Variants in LMBR1 observed in about 807,000 individuals in gnomAD.
The protein encoded by LMBR1 is limb development membrane protein 1.
In LMBR1, 52 loss-of-function variants were observed where a neutral mutation model predicts 73.9. That is an observed-to-expected ratio of 0.70 (90% CI 0.56 to 0.89). The LOEUF is 0.89. Ranked by LOEUF, LMBR1 falls within the 40% of genes least tolerant of loss-of-function variation. LMBR1 has a pLI of 0.00. For missense variants in LMBR1, 539 were observed against 579.8 expected, an observed-to-expected ratio of 0.93 and a Z score of 0.72; for synonymous variants, 215 against 209.4, an observed-to-expected ratio of 1.03 and a Z score of -0.23.
intron 1 of LMBR1, among the ~76,000 whole-genome samples, chr7:156,839,047 C>CTT (rs1164786244): frequency 6.6e-4 from 65 of 98,526 alleles, no homozygotes; most frequent in Admixed American, 1.4e-3. Context: ...TAGTCCTTTG[C>CTT]TTTTTTTTTT....
At position 156,681,604 on chromosome 7, in the gene LMBR1, A is replaced by G. The variant is rs1049558063; in HGVS notation, c.*2474T>C. ...TTTCCCCAAGAAACTCTGGAACCAT[A>G]GTGCCTAATGCCCTTTAAAATCGAT... On this transcript the variant is annotated 3_prime_UTR_variant, in exon 17 of 17. Coordinates refer to ENST00000353442, the MANE Select transcript of LMBR1 (RefSeq NM_022458.4). 1.3e-5 allele frequency: 2 copies of G among 153,726 alleles called. No individual in the cohort carries two copies. The highest frequency in any genetic ancestry group is 2.9e-5 in the Non-Finnish European group (2 of 69,136). 9.5% of individuals were successfully genotyped at this position (153,726 alleles called of 1,614,324 possible).
intron 4 of LMBR1, among the ~76,000 whole-genome samples, chr7:156,671,520 T>C (rs7790357): frequency 0.19 from 28,923 of 152,222 alleles, 2,907 homozygotes; most frequent in South Asian, 0.3. Context: ...TATATCATTA[T>C]AAAAACTGAC....
chr7:156,776,708 A>G (rs1826199712), intron 5 of LMBR1, among the ~76,000 whole-genome samples: 2 of 152,064 alleles, frequency 1.3e-5, no homozygotes, highest in African/African-American at 2.4e-5. Flanking sequence ...TTTGATGATG[A>G]GCCAGTATCA....
intron 15 of LMBR1, among the ~76,000 whole-genome samples, chr7:156,715,716 T>C (rs1211303254): frequency 1.3e-5 from 2 of 152,210 alleles, no homozygotes; most frequent in Non-Finnish European, 2.9e-5. Flanking sequence ...ATCACACTTA[T>C]AAAGAGGTGC....
intron 1 of LMBR1, among the ~76,000 whole-genome samples, chr7:156,848,484 A>C (rs1795804428): frequency 6.6e-6 from 1 of 152,172 alleles, no homozygotes; most frequent in Non-Finnish European, 1.5e-5. Context: ...ATCACATCTC[A>C]CACCAAGTCA....
At chr7:156,694,887 C>T (rs1330272167) in intron 15 of LMBR1, among the ~76,000 whole-genome samples, 3 of 152,174 alleles carry the variant, frequency 2.0e-5, no homozygotes, top group African/African-American at 7.2e-5. Flanking sequence ...CCTTAAAAGA[C>T]ACTAACAAAG....
At chr7:156,702,514 G>A (rs1212162943) in intron 15 of LMBR1, among the ~76,000 whole-genome samples, 1 of 149,716 alleles carries the variant, frequency 6.7e-6, no homozygotes, top group East Asian at 2.0e-4. Flanking sequence ...TGTAGATTCT[G>A]GATATTAGAC....
chr7:156,881,320 T>C (rs188184396), intron 1 of LMBR1, among the ~76,000 whole-genome samples: 4 of 152,252 alleles, frequency 2.6e-5, no homozygotes, highest in African/African-American at 4.8e-5. Context: ...TCTTACACCA[T>C]ACACAAAAAT....
intron 4 of LMBR1, among the ~76,000 whole-genome samples, chr7:156,797,593 C>T (rs945990514): frequency 3.3e-5 from 5 of 152,218 alleles, no homozygotes; most frequent in African/African-American, 2.4e-5. Flanking sequence ...TACCTCTGAG[C>T]TGGCAGTGGG....
intron 4 of LMBR1, among the ~76,000 whole-genome samples, chr7:156,815,283 G>A (rs1833739271): frequency 6.7e-6 from 1 of 149,130 alleles, no homozygotes; most frequent in African/African-American, 2.5e-5. Context: ...TTTCCTTAAA[G>A]AATTATTCTC....
At chr7:156,837,676 C>T (rs770418373) in intron 1 of LMBR1, among the ~76,000 whole-genome samples, 6 of 151,744 alleles carry the variant, frequency 4.0e-5, no homozygotes, top group Non-Finnish European at 7.4e-5. Flanking sequence ...AATCACAAAT[C>T]AATGTAGGTG....
chr7:156,682,367 G>A lies in LMBR1; in HGVS notation c.*1711C>T, dbSNP rs1805208482. 1 of 152,164 alleles carries A rather than the reference G, an allele frequency of 6.6e-6. No individual in the cohort carries two copies. The highest frequency in any genetic ancestry group is 1.5e-5 in the Non-Finnish European group (1 of 68,026). 9.4% of individuals were successfully genotyped at this position (152,164 alleles called of 1,614,324 possible). On this transcript the variant is annotated 3_prime_UTR_variant, in exon 17 of 17. Coordinates refer to ENST00000353442, the MANE Select transcript of LMBR1 (RefSeq NM_022458.4). The stretch of plus-strand genomic sequence containing the variant: ...CTTCACTTGGTCTGCTCAAAGTATG[G>A]ACTCCAAGCTTCACTAAAAATCAAA...
intron 15 of LMBR1, among the ~76,000 whole-genome samples, chr7:156,719,272 A>C (rs1469594336): frequency 6.6e-6 from 1 of 151,842 alleles, no homozygotes; most frequent in Non-Finnish European, 1.5e-5. Flanking sequence ...GAGAATGATG[A>C]TTTCCAATTT....
chr7:156,719,975 A>G (rs1814164587), intron 15 of LMBR1, among the ~76,000 whole-genome samples: 1 of 151,812 alleles, frequency 6.6e-6, no homozygotes, highest in Non-Finnish European at 1.5e-5. Context: ...TAAAGACTTA[A>G]ACGTTAGACC....
intron 5 of LMBR1, among the ~76,000 whole-genome samples, chr7:156,764,247 T>C (rs1823676359): frequency 6.6e-6 from 1 of 152,148 alleles, no homozygotes; most frequent in Non-Finnish European, 1.5e-5. Flanking sequence ...CCTCACAGCC[T>C]CCGGAGCCCT....
At chr7:156,790,683 C>T (rs1245857237) in intron 5 of LMBR1, among the ~76,000 whole-genome samples, 1 of 151,780 alleles carries the variant, frequency 6.6e-6, no homozygotes, top group Non-Finnish European at 1.5e-5. Context: ...TAATTTAGTG[C>T]CCTCCTAGAT....
downstream of LMBR1, among the ~76,000 whole-genome samples, chr7:156,673,053 G>A (rs530637903): frequency 4.6e-5 from 7 of 152,340 alleles, no homozygotes; most frequent in South Asian, 2.1e-4. Flanking sequence ...CTGAGGCTGC[G>A]GGGTCTGGGC....
intron 15 of LMBR1, among the ~76,000 whole-genome samples, chr7:156,691,976 T>C (rs765366519): frequency 2.6e-5 from 4 of 152,232 alleles, no homozygotes; most frequent in African/African-American, 4.8e-5. Context: ...AATTGGCTCA[T>C]TGCCAATTGT....
In LMBR1 at chr7:156,858,913, T is replaced by C. The variant is rs573512051; in HGVS notation, c.67-22028A>G. ...AATAAAAAAAAAATTCTCAACTTGA[T>C]AAAGAATGTCTACAAAAACCCCACA... On this transcript the variant is annotated intron_variant, in intron 1 of 16. Coordinates refer to ENST00000353442, the MANE Select transcript of LMBR1 (RefSeq NM_022458.4). 6.6e-5 allele frequency among the ~76,000 whole-genome samples: 10 copies of C among 152,040 alleles called. No individual in the cohort carries two copies. In the South Asian group the frequency reaches 2.1e-3, roughly 32 times the overall value.
Sources: gnomAD v4.1 joint callset for allele counts (sites outside exome capture counted in the v4.1 genomes callset) on GRCh38, gnomAD v4.1.1 for gene constraint, MANE v1.5 for transcripts, NCBI Gene and HGNC (gene_info 2026-07-23, HGNC 2026-07-21) for gene names.